The following DGCR6L variants were observed in gnomAD, a reference collection of about 807,000 sequenced individuals.
DGCR6L encodes the protein DiGeorge syndrome critical region gene 6 like, also known as protein DGCR6L.
In DGCR6L, 24 loss-of-function variants were observed where a neutral mutation model predicts 31.1. The ratio of observed to expected loss-of-function variants is 0.77; its 90% CI spans 0.56 to 1.08. The LOEUF (loss-of-function observed/expected upper bound fraction) is 1.08, where lower values mean the gene tolerates loss of function less well. DGCR6L is among the 50% of genes least tolerant of loss of function. DGCR6L has a pLI of 0.00. For missense variants in DGCR6L, 218 were observed against 287.1 expected (o/e 0.76, Z 1.74); for synonymous variants, 104 against 126.1 (o/e 0.82, Z 1.17).
At chr22:20,315,676 A>G (rs1031633056) in intron 3 of DGCR6L, among the ~76,000 whole-genome samples, 200 bp from the exon 4 acceptor site, 5 of 152,210 alleles carry the variant, frequency 3.3e-5, no homozygotes, top group African/African-American at 1.2e-4. Context: ...AGGGGCTTCC[A>G]CGAATGCCCT....
In DGCR6L at chr22:20,319,795, A is replaced by G; in HGVS notation, c.115T>C (p.Phe39Leu). 9 of 1,610,252 alleles carry G rather than the reference A, an allele frequency of 5.6e-6. No individual in the cohort carries two copies. The highest frequency in any genetic ancestry group is 7.6e-6 in the Non-Finnish European group (9 of 1,178,452). ...GTGGTGTAGGACAGGCGCTGCTGGA[A>G]AGAGCTGCGGGTAGGGGGGCGCGGT... Reference protein sequence around the residue: ...QSLVKELPSSFQQRLSYTTLS... With the variant: ...QSLVKELPSSLQQRLSYTTLS... The change falls in exon 2 of 5, where the codon TTC becomes CTC. Residue 39 changes from phenylalanine to leucine, a missense_variant. By Grantham distance (22) the Phe-to-Leu change is conservative (BLOSUM62 0). Transcript: ENST00000248879.
intron 4 of DGCR6L, 190 bp from the exon 5 acceptor site, chr22:20,315,014 A>C: frequency 7.4e-7 from 1 of 1,356,224 alleles, no homozygotes; most frequent in Non-Finnish European, 1.0e-6. Context: ...CTCTGCCCCC[A>C]GCAGGGCCAC....
intron 2 of DGCR6L, among the ~76,000 whole-genome samples, chr22:20,316,917 T>C (rs532434878): frequency 2.0e-4 from 30 of 152,318 alleles, no homozygotes; most frequent in East Asian, 1.5e-3. Flanking sequence ...GCAAACTGTC[T>C]GGTCTGAAGG....
In DGCR6L at chr22:20,319,798, A is replaced by G. The variant is rs768286892; in HGVS notation, c.112T>C (p.Ser38Pro). The G allele has an allele frequency of 1.2e-6, 2 of 1,608,922 alleles. No individual in the cohort carries two copies. The highest frequency in any genetic ancestry group is 1.7e-6 in the Non-Finnish European group (2 of 1,177,994). Residue 38 changes from serine to proline, a missense_variant and splice_region_variant, in exon 2 of 5, where the codon TCT becomes CCT. By Grantham distance (74) the Ser-to-Pro change is moderately conservative. Around this residue, in one of 4 missense-constraint regions of DGCR6L, gnomAD observed 77 missense variants for 71.2 expected, o/e 1.08. Coordinates refer to ENST00000248879, the MANE Select transcript of DGCR6L (RefSeq NM_033257.4). ...LQSLVKELPS[S>P]FQQRLSYTTL... is the part of the protein sequence containing the mutation. Reference sequence around the variant, plus strand: ...GTGTAGGACAGGCGCTGCTGGAAAGAGCTGCGGGTAGGGGGGCGCGGTGAG... The same window carrying G: ...GTGTAGGACAGGCGCTGCTGGAAAGGGCTGCGGGTAGGGGGGCGCGGTGAG...
chr22:20,316,759 C>T (rs2146017725), intron 2 of DGCR6L, among the ~76,000 whole-genome samples: 1 of 152,330 alleles, frequency 6.6e-6, no homozygotes, highest in South Asian at 2.1e-4. Flanking sequence ...CGCACAGCGC[C>T]AGAGGGAGAA....
At position 20,319,634 on chromosome 22, in the gene DGCR6L, C is replaced by G. The variant is rs1569061606; in HGVS notation, c.271+5G>C. ...GCGGCACCTCATCCCGCTGCCCCCG[C>G]GCACCTCGGTGCTCGTTCTGTAGGC... On this transcript the variant is annotated splice_donor_5th_base_variant and intron_variant, in intron 2 of 4. Coordinates refer to ENST00000248879, the MANE Select transcript of DGCR6L (RefSeq NM_033257.4). 6.2e-7 allele frequency: 1 copy of G among 1,610,790 alleles called. No homozygotes were observed. Among genetic ancestry groups the G allele is most frequent in the Admixed American group, 1.7e-5 (1 of 59,870 alleles).
intron 2 of DGCR6L, among the ~76,000 whole-genome samples, chr22:20,319,411 G>A (rs2146019270): frequency 6.6e-6 from 1 of 152,374 alleles, no homozygotes; most frequent in Non-Finnish European, 1.5e-5. Flanking sequence ...AGCCCGAACA[G>A]GGAGTTTCTG....
At position 20,319,887 on chromosome 22, in the gene DGCR6L, C is replaced by T. The variant is rs1490216974; in HGVS notation, c.102G>A (p.Glu34=). ...CCGCCCCGCCTGCGTACCTGGGCAA[C>T]TCCTTCACCAGGCTCTGTAGCGCCG... The part of the protein sequence containing the change: ...LLSALQSLVK[E]LPSSFQQRLS... Residue 34 remains glutamate (E), a synonymous_variant, in exon 1 of 5, where the codon GAG becomes GAA. Transcript: ENST00000248879. The T allele has an allele frequency of 1.9e-6, 3 of 1,610,130 alleles. No individual in the cohort carries two copies. In the Admixed American group the frequency reaches 5.0e-5, roughly 27 times the overall value.
chr22:20,319,919 A>G lies in DGCR6L; in HGVS notation c.70T>C (p.Leu24=), dbSNP rs1569061852. 3.7e-6 allele frequency: 6 copies of G among 1,610,896 alleles called. No individual in the cohort carries two copies. Among genetic ancestry groups the G allele is most frequent in the Non-Finnish European group, 4.2e-6 (5 of 1,179,234 alleles). Residue 24 remains leucine, a synonymous_variant, in exon 1 of 5, where the codon TTG becomes CTG. Transcript: ENST00000248879. The part of the protein sequence containing the change: ...GARQQERHYQ[L]LSALQSLVKE... ...ACCAGGCTCTGTAGCGCCGACAGCA[A>G]CTGGTAGTGTCGCTCCTGCTGCCGG...
rs1222232797 is a variant in DGCR6L, at chr22:20,314,788, G to A, written c.550C>T (p.Arg184Ter). ...MLQMNLLELI[R>*]KLQQRGCRAG... ...CGGCAGCCCCTCTGCTGCAGCTTTC[G>A]GATGAGTTCCAGCAGGTTCATCTGC... is the stretch of plus-strand genomic sequence containing the variant. The change falls in exon 5 of 5, where the codon CGA (arginine) becomes TGA (stop). Residue 184 changes from arginine to a stop codon, truncating the protein, a stop_gained. Coordinates refer to ENST00000248879, the MANE Select transcript of DGCR6L (RefSeq NM_033257.4). LOFTEE classifies it high-confidence loss of function. 6 of 1,612,258 alleles carry A rather than the reference G, an allele frequency of 3.7e-6. No homozygotes were observed. The highest frequency in any genetic ancestry group is 1.7e-5 in the Admixed American group (1 of 59,994).
At chr22:20,315,311 G>T in intron 4 of DGCR6L, 25 bp downstream of exon 4, 13 of 1,605,498 alleles carry the variant, frequency 8.1e-6, no homozygotes, top group African/African-American at 1.3e-5. Context: ...ACTCGGGCTA[G>T]GGCAGAGCAG....
chr22:20,320,053 C>T lies in DGCR6L; in HGVS notation c.-65G>A, dbSNP rs575983771. ...TCCCCCAGCTTCACGACATCCCGAG[C>T]GCGGCGCGTCCCGCCCCTTTTACGA... is the stretch of plus-strand genomic sequence containing the variant. On this transcript the variant is annotated 5_prime_UTR_variant, in exon 1 of 5. Transcript: ENST00000248879. The T allele has an allele frequency of 1.4e-6, 2 of 1,458,634 alleles. No homozygotes were observed. The highest frequency in any genetic ancestry group is 2.8e-5 in the Admixed American group (1 of 36,162). The allele number at this position is 1,458,634 out of a possible 1,614,324, so 90.4% of individuals were successfully genotyped here. A position where few individuals can be genotyped will look rare whatever the true frequency, so the allele number is the denominator to read the frequency against.
intron 3 of DGCR6L, among the ~76,000 whole-genome samples, chr22:20,315,819 C>T (rs895170056): frequency 2.0e-5 from 3 of 152,210 alleles, no homozygotes; most frequent in African/African-American, 7.2e-5. Flanking sequence ...CTGGCCCCAA[C>T]ACCCTACCAT....
Position 20,316,141 on chromosome 22 carries a change from G to A in DGCR6L, c.350C>T (p.Ala117Val), listed in dbSNP as rs113468394. Residue 117 changes from alanine to valine, a missense_variant, in exon 3 of 5, where the codon GCG (alanine) becomes GTG (valine). Physicochemically the swap from Ala to Val is moderately conservative, Grantham distance 64. Around this residue, in one of 4 missense-constraint regions of DGCR6L, gnomAD observed 78 missense variants for 90.0 expected, o/e 0.87. Coordinates refer to ENST00000248879, the MANE Select transcript of DGCR6L (RefSeq NM_033257.4). ...CRPHNLPVVQ[A>V]AQQRELEAVE... Reference sequence around the variant, plus strand: ...TACCTCTAGTTCTCGCTGCTGAGCCGCCTGAACCACAGGCAGGTTGTGGGG... The same window carrying A: ...TACCTCTAGTTCTCGCTGCTGAGCCACCTGAACCACAGGCAGGTTGTGGGG... 0.024 allele frequency: 38,911 copies of A among 1,610,454 alleles called. 928 individuals carry two copies. The highest frequency in any genetic ancestry group is 0.13 in the East Asian group (5,862 of 44,790).
intron 2 of DGCR6L, among the ~76,000 whole-genome samples, chr22:20,316,444 T>TG (rs2051572129): frequency 6.6e-6 from 1 of 151,006 alleles, no homozygotes; most frequent in African/African-American, 2.4e-5. Context: ...ACTGAAAGAG[T>TG]GGGGTGGGGA....
rs1381596741 is a variant in DGCR6L at position 20,318,780 on chromosome 22, A to G, written c.271+859T>C. On this transcript the variant is annotated intron_variant, in intron 2 of 4. Coordinates refer to ENST00000248879, the MANE Select transcript of DGCR6L (RefSeq NM_033257.4). ...CTTGGTTTTCAGGACTAGGGAGGGT[A>G]CCCCTGCCATCCTGCAATGCGCAAG... 2.6e-5 allele frequency: 4 copies of G among 152,286 alleles called. No individual in the cohort carries two copies. In the South Asian group the frequency reaches 8.3e-4, roughly 32 times the overall value. 9.4% of individuals were successfully genotyped at this position (152,286 alleles called of 1,614,324 possible). A position where few individuals can be genotyped will look rare whatever the true frequency, so the allele number is the denominator to read the frequency against.
chr22:20,316,079 A>G (rs1488676879), intron 3 of DGCR6L, 40 bp downstream of exon 3: 1 of 1,559,734 alleles, frequency 6.4e-7, no homozygotes. Context: ...TGGTGCCCAC[A>G]GGAGAGCTGG....
intron 3 of DGCR6L, 93 bp from the exon 4 acceptor site, chr22:20,315,569 G>A: frequency 6.6e-7 from 1 of 1,521,030 alleles, no homozygotes; most frequent in Non-Finnish European, 8.8e-7. Context: ...ACATGCTCCT[G>A]CTGCCGTCCC....
In DGCR6L at chr22:20,315,442, G is replaced by T. The variant is rs753989233; in HGVS notation, c.407C>A (p.Ala136Glu). 4 of 1,613,796 alleles carry T rather than the reference G, an allele frequency of 2.5e-6. No homozygotes were observed. Among genetic ancestry groups the T allele is most frequent in the Non-Finnish European group, 3.4e-6 (4 of 1,179,994 alleles). Residue 136 changes from alanine to glutamate, a missense_variant, in exon 4 of 5, where the codon GCG (alanine) becomes GAG (glutamate). Coordinates refer to ENST00000248879, the MANE Select transcript of DGCR6L (RefSeq NM_033257.4). Reference sequence around the variant, plus strand: ...CTCCAGGATGATCTTCTGGTCCATCGCCCGCTGCTCCTCACGGATCCGGTG... The same window carrying T: ...CTCCAGGATGATCTTCTGGTCCATCTCCCGCTGCTCCTCACGGATCCGGTG... Reference protein sequence around the residue: ...VEHRIREEQRAMDQKIILELD... With the variant: ...VEHRIREEQREMDQKIILELD...
Sources: allele counts gnomAD v4.1 joint callset (sites outside exome capture counted in the v4.1 genomes callset), GRCh38; gene constraint gnomAD v4.1.1; regional missense constraint gnomAD v4.1.1; transcripts MANE v1.5; gene names NCBI Gene and HGNC (gene_info 2026-07-23, HGNC 2026-07-21).